TULP4: variants seen among roughly 807,000 people sequenced by gnomAD.
The protein encoded by TULP4 is tubby-related protein 4.
TULP4 carries 16 observed loss-of-function variants against 129.0 expected under a neutral mutation model. That is an observed-to-expected ratio of 0.12 (90% CI 0.08 to 0.19). The LOEUF is 0.19. Among genes scored for constraint, TULP4 ranks in the 10% least tolerant of loss-of-function variants. The probability of loss-of-function intolerance (pLI) is 1.00; values close to 1 mark genes in which losing one functional copy is unlikely to be tolerated. For missense variants in TULP4, 1,842 were observed against 2,059.1 expected, an observed-to-expected ratio of 0.89 and a Z score of 2.04; for synonymous variants, 998 against 854.0, an observed-to-expected ratio of 1.17 and a Z score of -2.94.
chr6:158,275,702 T>C (rs554373139), intron 1 of TULP4, among the ~76,000 whole-genome samples: 4 of 152,230 alleles, frequency 2.6e-5, no homozygotes, highest in Non-Finnish European at 5.9e-5. Flanking sequence ...ATAGGTCTTA[T>C]GAGAATTTCT....
At position 158,394,484 on chromosome 6, in the gene TULP4, A is replaced by G. The variant is rs374912130; in HGVS notation, c.253-18581A>G. 8.3e-4 allele frequency among the ~76,000 whole-genome samples: 127 copies of G among 152,176 alleles called. 1 individual carries two copies. Among genetic ancestry groups the G allele is most frequent in the African/African-American group, 2.8e-3 (116 of 41,530 alleles). On this transcript the variant is annotated intron_variant, in intron 1 of 13. Transcript: ENST00000367097. ...GTATTACTTCCATTGTTATACTGCT[A>G]TAAAGAACTACCTGCATGGCTGGGC...
chr6:158,452,506 C>A (rs759589192), intron 5 of TULP4, among the ~76,000 whole-genome samples: 9 of 152,198 alleles, frequency 5.9e-5, no homozygotes, highest in Non-Finnish European at 1.2e-4. Context: ...TCTTAGCCTG[C>A]TCTTTTCCTC....
chr6:158,363,827 GC>G (rs1260548955), intron 1 of TULP4, among the ~76,000 whole-genome samples: 2 of 151,974 alleles, frequency 1.3e-5, no homozygotes, highest in Non-Finnish European at 2.9e-5. Context: ...GCATACAGTT[GC>G]CATTTGCAAA....
intron 8 of TULP4, among the ~76,000 whole-genome samples, chr6:158,482,572 G>A (rs1207368566): frequency 6.6e-6 from 1 of 152,190 alleles, no homozygotes; most frequent in Non-Finnish European, 1.5e-5. Context: ...AGGAGAGAGA[G>A]AAGCGCATGT....
chr6:158,308,382 A>T (rs2128480005), upstream of TULP4, among the ~76,000 whole-genome samples: 1 of 152,108 alleles, frequency 6.6e-6, no homozygotes, highest in South Asian at 2.1e-4. Flanking sequence ...ACAAAATGAA[A>T]AGTTTCCCAT....
chr6:158,289,933 T>C (rs2128470102), intron 1 of TULP4, among the ~76,000 whole-genome samples: 1 of 152,258 alleles, frequency 6.6e-6, no homozygotes, highest in East Asian at 1.9e-4. Flanking sequence ...ACCTTTGCTA[T>C]AGCCAAGAAG....
intron 3 of TULP4, among the ~76,000 whole-genome samples, chr6:158,441,323 T>C (rs954281558): frequency 4.6e-5 from 7 of 152,060 alleles, no homozygotes; most frequent in Admixed American, 3.9e-4. Flanking sequence ...AAAAAAAATA[T>C]TAGGTTAAGA....
chr6:158,308,566 C>T (rs1353197875), upstream of TULP4, among the ~76,000 whole-genome samples: 3 of 151,982 alleles, frequency 2.0e-5, no homozygotes, highest in African/African-American at 7.2e-5. Flanking sequence ...CTTCACTTCC[C>T]AGTAGGGGTG....
At chr6:158,260,471 G>T (rs925862651) in intron 1 of TULP4, among the ~76,000 whole-genome samples, 1 of 151,906 alleles carries the variant, frequency 6.6e-6, no homozygotes, top group South Asian at 2.1e-4. Context: ...AGCTACTCGG[G>T]AGGCTGAGGC....
intron 13 of TULP4, among the ~76,000 whole-genome samples, chr6:158,504,578 G>A (rs545704831): frequency 6.7e-6 from 1 of 150,124 alleles, no homozygotes; most frequent in African/African-American, 2.5e-5. Context: ...GGATGATCTC[G>A]ATCTCCTGAC....
At chr6:158,288,535 C>G (rs1778869016) in intron 1 of TULP4, among the ~76,000 whole-genome samples, 1 of 151,568 alleles carries the variant, frequency 6.6e-6, no homozygotes, top group Non-Finnish European at 1.5e-5. Context: ...GAGTCTCACT[C>G]TGTCGCCCAG....
chr6:158,435,364 C>G (rs341113), intron 3 of TULP4, among the ~76,000 whole-genome samples: 36,398 of 151,998 alleles, frequency 0.24, 5,590 homozygotes, highest in Middle Eastern at 0.34. Flanking sequence ...GATGCGGTCT[C>G]CTTGGCAGCC....
At chr6:158,458,984 G>T (rs1361871325) in intron 5 of TULP4, among the ~76,000 whole-genome samples, 1 of 152,170 alleles carries the variant, frequency 6.6e-6, no homozygotes, top group Non-Finnish European at 1.5e-5. Context: ...ATCATCAGAG[G>T]CACTCACATA....
intron 1 of TULP4, among the ~76,000 whole-genome samples, chr6:158,266,465 A>G (rs1778447997): frequency 6.6e-6 from 1 of 152,128 alleles, no homozygotes; most frequent in Non-Finnish European, 1.5e-5. Context: ...CCTTGTTCCC[A>G]GGCTGGTTTC....
At chr6:158,235,607 C>T (rs1777676341) in intron 1 of TULP4, among the ~76,000 whole-genome samples, 1 of 152,208 alleles carries the variant, frequency 6.6e-6, no homozygotes, top group Non-Finnish European at 1.5e-5. Context: ...CTAGGCCTCC[C>T]GAAGTGCTTG....
intron 5 of TULP4, among the ~76,000 whole-genome samples, chr6:158,454,181 C>G (rs1779240256): frequency 6.6e-6 from 1 of 152,088 alleles, no homozygotes; most frequent in Non-Finnish European, 1.5e-5. Flanking sequence ...CGTTGAAGTC[C>G]TTTTTATCAC....
chr6:158,412,925 G>A, intron 1 of TULP4, 140 bp from the exon 2 acceptor site: 6 of 1,231,430 alleles, frequency 4.9e-6, no homozygotes, highest in Non-Finnish European at 5.5e-6. Flanking sequence ...TCTGTTCCCT[G>A]CCCTGATCCC....
intron 1 of TULP4, among the ~76,000 whole-genome samples, chr6:158,325,896 C>T (rs1423371829): frequency 2.0e-5 from 3 of 151,288 alleles, no homozygotes; most frequent in Non-Finnish European, 2.9e-5. Context: ...CTGTCTCCCC[C>T]CCTCCCCCCA....
chr6:158,359,849 G>A (rs1164123748), intron 1 of TULP4, among the ~76,000 whole-genome samples: 2 of 152,160 alleles, frequency 1.3e-5, no homozygotes, highest in Admixed American at 6.5e-5. Context: ...GCCTTGGTAC[G>A]AATTTTAGAC....
Sources: gnomAD v4.1 joint callset for allele counts (sites outside exome capture counted in the v4.1 genomes callset) on GRCh38, gnomAD v4.1.1 for gene constraint, MANE v1.5 for transcripts, NCBI Gene and HGNC (gene_info 2026-07-23, HGNC 2026-07-21) for gene names.